TRAF3: variants seen among roughly 807,000 people sequenced by gnomAD.
TRAF3 encodes TNF receptor-associated factor 3.
Under a neutral mutation model 62.3 loss-of-function variants are expected in TRAF3, and 13 were observed. The observed-to-expected ratio is 0.21, with a 90% CI of 0.14 to 0.33. The LOEUF is 0.33. Among genes scored for constraint, TRAF3 ranks in the 10% least tolerant of loss-of-function variants. TRAF3 has a pLI of 1.00. For synonymous variants in TRAF3, 269 were observed against 283.4 expected (o/e 0.95, Z 0.51); for missense variants, 440 against 741.8 (o/e 0.59, Z 4.73).
intron 1 of TRAF3, among the ~76,000 whole-genome samples, chr14:102,787,272 G>A (rs1051991999): frequency 6.6e-6 from 1 of 152,096 alleles, no homozygotes; most frequent in Non-Finnish European, 1.5e-5. Context: ...TTGCACAAAA[G>A]GAACATCTAT....
intron 2 of TRAF3, among the ~76,000 whole-genome samples, chr14:102,856,607 C>T (rs1002034568): frequency 1.3e-5 from 2 of 152,170 alleles, no homozygotes; most frequent in Non-Finnish European, 2.9e-5. Context: ...CCTGTCTCAT[C>T]CTGTGACTTA....
In TRAF3 at chr14:102,819,361, G is replaced by T. The variant is rs139142953; in HGVS notation, c.-156-10973G>T. Among the ~76,000 whole-genome samples the T allele has an allele frequency of 1.4e-4, 21 of 152,268 alleles. 1 individual carries two copies. Among genetic ancestry groups the T allele is most frequent in the African/African-American group, 4.8e-4 (20 of 41,546 alleles). ...CCACCAGCCACAGCTTGTGTTTGCC[G>T]TGTGAGCCGGAGCACTTGTTTGTCA... On this transcript the variant is annotated intron_variant, in intron 1 of 11. Coordinates refer to ENST00000392745, the MANE Select transcript of TRAF3 (RefSeq NM_145725.3).
At chr14:102,887,296 C>T (rs1889448782) in intron 7 of TRAF3, among the ~76,000 whole-genome samples, 1 of 152,196 alleles carries the variant, frequency 6.6e-6, no homozygotes, top group African/African-American at 2.4e-5. Context: ...TGAAATTTTA[C>T]CACTGGATAC....
rs985405864 is a variant in TRAF3 at position 102,908,277 on chromosome 14, A to G, written c.*2493A>G. ...AGTGACAGGAGTCCTTGAGGATGGG[A>G]TGGCCTATGTCACACACTTTGTCCT... On this transcript the variant is annotated 3_prime_UTR_variant, in exon 12 of 12. Transcript: ENST00000392745. 2.6e-5 allele frequency: 4 copies of G among 152,312 alleles called. No individual in the cohort carries two copies. Among genetic ancestry groups the G allele is most frequent in the African/African-American group, 4.8e-5 (2 of 41,468 alleles). 9.4% of individuals were successfully genotyped at this position (152,312 alleles called of 1,614,324 possible).
chr14:102,864,473 G>A (rs1301352258), intron 2 of TRAF3, among the ~76,000 whole-genome samples: 1 of 152,036 alleles, frequency 6.6e-6, no homozygotes, highest in Non-Finnish European at 1.5e-5. Flanking sequence ...TTTAAAATGT[G>A]TATATTGAAG....
chr14:102,864,940 GA>G (rs1465115805), intron 2 of TRAF3, among the ~76,000 whole-genome samples: 1 of 152,206 alleles, frequency 6.6e-6, no homozygotes, highest in Non-Finnish European at 1.5e-5. Flanking sequence ...TTGATTGTGA[GA>G]AATGTGTCTC....
Sources: allele counts gnomAD v4.1 joint callset (sites outside exome capture counted in the v4.1 genomes callset), GRCh38; gene constraint gnomAD v4.1.1; transcripts MANE v1.5; gene names NCBI Gene and HGNC (gene_info 2026-07-23, HGNC 2026-07-21).